CLIC2: variants seen among roughly 807,000 people sequenced by gnomAD.
CLIC2 encodes the protein CLIC family member 2.
In CLIC2, 9 loss-of-function variants were observed where a neutral mutation model predicts 14.8. That is an observed-to-expected ratio of 0.61 (90% CI 0.37 to 1.06). The LOEUF is 1.06. Among genes scored for constraint, CLIC2 ranks in the 50% least tolerant of loss-of-function variants. The pLI is 0.01. For missense variants in CLIC2, 148 were observed against 181.4 expected, an observed-to-expected ratio of 0.82 and a Z score of 1.06; for synonymous variants, 61 against 66.3, an observed-to-expected ratio of 0.92 and a Z score of 0.39.
chrX:155,329,362 T>C (rs782180018), intron 1 of CLIC2, among the ~76,000 whole-genome samples: 1 of 108,760 alleles, frequency 9.2e-6, no homozygotes, highest in East Asian at 3.0e-4. Flanking sequence ...GTGCTCAATG[T>C]CATTGATCAT....
At chrX:155,323,619 C>A in intron 1 of CLIC2, among the ~76,000 whole-genome samples, 1 of 111,914 alleles carries the variant, frequency 8.9e-6, no homozygotes, top group African/African-American at 3.2e-5. Flanking sequence ...TGAAAACTGG[C>A]ACAAGACAAG....
At chrX:155,312,387 A>G (rs1163221767) in intron 1 of CLIC2, among the ~76,000 whole-genome samples, 1 of 112,175 alleles carries the variant, frequency 8.9e-6, no homozygotes, top group African/African-American at 3.2e-5. Flanking sequence ...GCATAGGGCT[A>G]GCCAATTATC....
At chrX:155,327,721 C>T (rs1020878913) in intron 1 of CLIC2, among the ~76,000 whole-genome samples, 12 of 110,673 alleles carry the variant, frequency 1.1e-4, no homozygotes, top group Admixed American at 9.6e-5. Flanking sequence ...CAACAAACAC[C>T]CATGACACAA....
chrX:155,322,346 T>C (rs1386123997), intron 1 of CLIC2, among the ~76,000 whole-genome samples: 2 of 111,863 alleles, frequency 1.8e-5, no homozygotes, highest in African/African-American at 6.5e-5. Flanking sequence ...ATGGAAATCA[T>C]GACAAACAGT....
chrX:155,297,511 T>G (rs1440487927), intron 3 of CLIC2, among the ~76,000 whole-genome samples: 14 of 108,730 alleles, frequency 1.3e-4, no homozygotes, highest in Admixed American at 9.9e-4. Flanking sequence ...ATTTCATATG[T>G]ATCCCATAAT....
Position 155,279,022 on chromosome X carries a change from G to A in CLIC2, c.582+127C>T. On this transcript the variant is annotated intron_variant, in intron 5 of 5. Transcript: ENST00000369449. ...TCTAAAGAGAAAAGAGATGTATATA[G>A]TACACATGATGATGATGATAATGAC... 6 of 569,201 alleles carry A rather than the reference G, an allele frequency of 1.1e-5. No individual in the cohort carries two copies. In the Admixed American group the frequency reaches 1.4e-4, roughly 13 times the overall value. 46.9% of individuals were successfully genotyped at this position (569,201 alleles called of 1,213,427 possible). A position where few individuals can be genotyped will look rare whatever the true frequency, so the allele number is the denominator to read the frequency against.
At position 155,299,020 on chromosome X, in the gene CLIC2, T is replaced by C. The variant is rs782061068; in HGVS notation, c.167+16A>G. The C allele has an allele frequency of 8.5e-6, 10 of 1,177,328 alleles. No individual in the cohort carries two copies. The Admixed American group carries it at 2.0e-4, about 23-fold the overall frequency. On this transcript the variant is annotated intron_variant, in intron 2 of 5. Transcript: ENST00000369449. ...ATCTCAATTCCTAGAATTTAACATG[T>C]CCTGATTTCTCTTACCTGGTCATGT... is the stretch of plus-strand genomic sequence containing the variant.
Position 155,280,051 on chromosome X carries a change from G to A in CLIC2, c.311C>T (p.Pro104Leu). Reference sequence around the variant, plus strand: ...CACATCAAAAGACTCCTTGTACTTGGGACTCAGGTGAGGGTACCTTAAAAA... The same window carrying A: ...CACATCAAAAGACTCCTTGTACTTGAGACTCAGGTGAGGGTACCTTAAAAA... ...LAPPRYPHLS[P>L]KYKESFDVGC... The change falls in exon 4 of 6, where the codon CCC becomes CTC. Residue 104 changes from proline to leucine, a missense_variant. Transcript: ENST00000369449. 2 of 1,198,281 alleles carry A rather than the reference G, an allele frequency of 1.7e-6. No homozygotes were observed.
Position 155,305,214 on chromosome X carries a change from G to C in CLIC2, c.58-6069C>G, listed in dbSNP as rs1232382998. The stretch of plus-strand genomic sequence containing the variant: ...CCTTGCAGTTTGATCTCAGACTGCT[G>C]TGCTAGCAATCAGCGAGACTCCGTG... On this transcript the variant is annotated intron_variant, in intron 1 of 5. Transcript: ENST00000369449. Among the ~76,000 whole-genome samples the C allele has an allele frequency of 1.4e-4, 16 of 112,193 alleles. No individual in the cohort carries two copies. The Admixed American group carries it at 1.5e-3, about 11-fold the overall frequency.
chrX:155,321,426 C>G (rs1347295193), intron 1 of CLIC2, among the ~76,000 whole-genome samples: 1 of 111,586 alleles, frequency 9.0e-6, no homozygotes, highest in African/African-American at 3.3e-5. Context: ...TCTTTAAAAA[C>G]AGAATTTTCA....
intron 1 of CLIC2, among the ~76,000 whole-genome samples, chrX:155,325,936 C>T (rs2075136166): frequency 9.5e-6 from 1 of 105,612 alleles, no homozygotes; most frequent in East Asian, 3.0e-4. Context: ...GAAAGCCAAA[C>T]ATGGTATGTT....
intron 1 of CLIC2, among the ~76,000 whole-genome samples, chrX:155,330,272 G>T (rs1557322686): frequency 9.0e-6 from 1 of 111,717 alleles, no homozygotes; most frequent in East Asian, 2.8e-4. Flanking sequence ...ATTACATGTT[G>T]CATGCCTGTA....
intron 5 of CLIC2, among the ~76,000 whole-genome samples, 157 bp from the exon 6 acceptor site, chrX:155,278,221 T>C (rs1392931746): frequency 8.9e-6 from 1 of 112,369 alleles, no homozygotes; most frequent in East Asian, 2.8e-4. Flanking sequence ...TGGACTATTT[T>C]GATGTTTTGT....
At chrX:155,281,969 A>T (rs2074921365) in intron 3 of CLIC2, among the ~76,000 whole-genome samples, 1 of 110,723 alleles carries the variant, frequency 9.0e-6, no homozygotes, top group African/African-American at 3.3e-5. Context: ...AGTAGTCTGC[A>T]GTCGTCTCAT....
chrX:155,292,408 G>A (rs2074971218), intron 3 of CLIC2: 2 of 561,313 alleles, frequency 3.6e-6, no homozygotes, highest in Admixed American at 2.3e-5. Context: ...GAAAAAGAAC[G>A]TCAACGAATT....
intron 2 of CLIC2, 21 bp from the exon 3 acceptor site, chrX:155,298,931 CAG>C (rs2075004765): frequency 2.7e-5 from 33 of 1,201,440 alleles, no homozygotes; most frequent in Non-Finnish European, 3.2e-5. Context: ...TAAAAATAAG[CAG>C]AGTTAGGTCT....
rs375751637 is a variant in CLIC2 at position 155,279,086 on chromosome X, A to G, written c.582+63T>C. The G allele has an allele frequency of 2.8e-5, 26 of 938,041 alleles. No homozygotes were observed. The Middle Eastern group carries it at 1.4e-3, about 50-fold the overall frequency. 77.3% of individuals were successfully genotyped at this position (938,041 alleles called of 1,213,427 possible). A position where few individuals can be genotyped will look rare whatever the true frequency, so the allele number is the denominator to read the frequency against. On this transcript the variant is annotated intron_variant, in intron 5 of 5. Coordinates refer to ENST00000369449, the MANE Select transcript of CLIC2 (RefSeq NM_001289.6). ...AATAATACCGCACTGGAAGGTCACT[A>G]TGCTTTGTGCTGGCAACTGGCAAAC...
chrX:155,281,463 T>A (rs148607760), intron 3 of CLIC2, among the ~76,000 whole-genome samples: 1 of 111,130 alleles, frequency 9.0e-6, no homozygotes, highest in Non-Finnish European at 1.9e-5. Context: ...GTGATATACC[T>A]TAAATATATA....
intron 3 of CLIC2, chrX:155,291,201 G>A: frequency 1.0e-6 from 1 of 983,107 alleles, no homozygotes; most frequent in Non-Finnish European, 1.5e-6. Context: ...CTCCAACAGG[G>A]GTAAAACAAA....
Sources: allele counts gnomAD v4.1 joint callset (sites outside exome capture counted in the v4.1 genomes callset), GRCh38; gene constraint gnomAD v4.1.1; transcripts MANE v1.5; gene names NCBI Gene and HGNC (gene_info 2026-07-23, HGNC 2026-07-21).